Variants in PARD3B observed in about 807,000 individuals in gnomAD.
PARD3B encodes the protein par-3 family cell polarity regulator beta.
PARD3B carries 103 observed loss-of-function variants against 130.2 expected under a neutral mutation model. That is an observed-to-expected ratio of 0.79 (90% CI 0.67 to 0.93). The LOEUF is 0.93. Ranked by LOEUF, PARD3B falls within the 40% of genes least tolerant of loss-of-function variation. PARD3B has a pLI of 0.00. For synonymous variants in PARD3B, 583 were observed against 553.2 expected, an observed-to-expected ratio of 1.05 and a Z score of -0.76; for missense variants, 1,609 against 1,499.2, an observed-to-expected ratio of 1.07 and a Z score of -1.21.
intron 2 of PARD3B, among the ~76,000 whole-genome samples, chr2:204,737,067 C>T (rs1229560511): frequency 1.3e-5 from 2 of 152,232 alleles, no homozygotes; most frequent in Non-Finnish European, 2.9e-5. Flanking sequence ...CTGCTTCAGC[C>T]TCCCTAGTAG....
At chr2:205,480,043 T>C (rs150469441) in intron 20 of PARD3B, among the ~76,000 whole-genome samples, 6,398 of 151,938 alleles carry the variant, frequency 0.042, 186 homozygotes, top group Middle Eastern at 0.061. Flanking sequence ...GCTGGGATTA[T>C]AGGTGCCCTC....
At chr2:205,466,815 C>T (rs1002278439) in intron 20 of PARD3B, among the ~76,000 whole-genome samples, 10 of 152,160 alleles carry the variant, frequency 6.6e-5, no homozygotes, top group East Asian at 1.9e-4. Flanking sequence ...CAGGTTCAAG[C>T]GATTCTTCTG....
chr2:204,772,370 G>T (rs1455564034), intron 2 of PARD3B, among the ~76,000 whole-genome samples: 1 of 152,018 alleles, frequency 6.6e-6, no homozygotes, highest in Non-Finnish European at 1.5e-5. Flanking sequence ...TAGCAGAGAA[G>T]AAAAGTCAGA....
At chr2:205,435,390 T>A (rs568276046) in intron 19 of PARD3B, among the ~76,000 whole-genome samples, 4 of 152,204 alleles carry the variant, frequency 2.6e-5, no homozygotes, top group African/African-American at 9.6e-5. Flanking sequence ...AATAGCACTT[T>A]GTGTGTTTTT....
At chr2:205,607,856 A>G (rs966731474) in intron 22 of PARD3B, among the ~76,000 whole-genome samples, 2 of 151,468 alleles carry the variant, frequency 1.3e-5, no homozygotes, top group Non-Finnish European at 2.9e-5. Flanking sequence ...ACACACACAC[A>G]CACACACACA....
At position 205,615,627 on chromosome 2, in the gene PARD3B, AC is replaced by A; in HGVS notation, c.3437del (p.Pro1146ArgfsTer56). ...ATCTCCGGTATCCTCAGCACTACCC[AC>A]CCCCGCCAGCTCCCCAGCACAAAGG... Reference protein sequence around the residue: ...ADLRYPQHYPPPPAPQHKGPF... With the variant: ...ADLRYPQHYPXPPAPQHKGPF... On this transcript the variant is annotated frameshift_variant, in exon 23 of 23. Transcript: ENST00000406610. LOFTEE classifies it high-confidence loss of function. 2 of 1,610,128 alleles carry A rather than the reference AC, an allele frequency of 1.2e-6. No homozygotes were observed. The highest frequency in any genetic ancestry group is 1.7e-6 in the Non-Finnish European group (2 of 1,177,494).
chr2:204,807,888 T>C (rs1476133555), intron 2 of PARD3B, among the ~76,000 whole-genome samples: 1 of 151,930 alleles, frequency 6.6e-6, no homozygotes, highest in African/African-American at 2.4e-5. Flanking sequence ...TAAGATCTAG[T>C]ATTTGAGATC....
chr2:204,924,237 A>G (rs1687411893), intron 2 of PARD3B, among the ~76,000 whole-genome samples: 2 of 152,048 alleles, frequency 1.3e-5, no homozygotes, highest in East Asian at 3.9e-4. Context: ...CAAGGATAAC[A>G]TAGAACTAAA....
chr2:205,164,380 A>C (rs1327396778), intron 11 of PARD3B, among the ~76,000 whole-genome samples: 3 of 152,206 alleles, frequency 2.0e-5, no homozygotes, highest in Non-Finnish European at 4.4e-5. Context: ...ACTTGAGCTC[A>C]GGAGTTCCAG....
At chr2:205,049,163 C>T (rs1210585381) in intron 4 of PARD3B, among the ~76,000 whole-genome samples, 5 of 152,150 alleles carry the variant, frequency 3.3e-5, no homozygotes, top group African/African-American at 9.6e-5. Flanking sequence ...GAGAAAGTCC[C>T]TGTATTTGCC....
chr2:205,261,470 C>T (rs113762332), intron 16 of PARD3B, among the ~76,000 whole-genome samples: 32 of 152,202 alleles, frequency 2.1e-4, no homozygotes, highest in African/African-American at 7.7e-4. Flanking sequence ...GATTAGAGCA[C>T]ACATGAAGCC....
At chr2:204,709,654 AGTT>A (rs2038342268) in intron 2 of PARD3B, among the ~76,000 whole-genome samples, 1 of 152,128 alleles carries the variant, frequency 6.6e-6, no homozygotes, top group Non-Finnish European at 1.5e-5. Flanking sequence ...TGATGTGTTC[AGTT>A]GGGGAAATAC....
intron 2 of PARD3B, among the ~76,000 whole-genome samples, chr2:204,772,416 C>T (rs927622086): frequency 7.9e-5 from 12 of 152,066 alleles, no homozygotes; most frequent in Admixed American, 2.6e-4. Flanking sequence ...ACAAGTACAA[C>T]TGCAATTGAT....
intron 2 of PARD3B, among the ~76,000 whole-genome samples, chr2:204,753,790 C>T (rs1403117424): frequency 6.6e-6 from 1 of 152,088 alleles, no homozygotes; most frequent in African/African-American, 2.4e-5. Flanking sequence ...TGGTGGGCCA[C>T]AGCTGTAATC....
At chr2:205,447,287 A>G (rs567780490) in intron 20 of PARD3B, among the ~76,000 whole-genome samples, 3 of 140,488 alleles carry the variant, frequency 2.1e-5, no homozygotes, top group Admixed American at 2.0e-4. Context: ...GTAGGGACCT[A>G]TCCTGCTTTT....
In PARD3B at chr2:204,998,312, GTATATATATATA is replaced by G. The variant is rs771546892; in HGVS notation, c.394+33025_394+33036del. ...CTGCACATGTATCCCAGAACTTAAAGTATATATATATATATATATATATATATATATATATAT... is the reference window on the plus strand; with the variant it reads ...CTGCACATGTATCCCAGAACTTAAAGTATATATATATATATATATATATAT... On this transcript the variant is annotated intron_variant, in intron 3 of 22. Transcript: ENST00000406610. Among the ~76,000 whole-genome samples, 95 of 51,994 alleles carry G rather than the reference GTATATATATATA, an allele frequency of 1.8e-3. 2 individuals are homozygous for G. Among genetic ancestry groups the G allele is most frequent in the Middle Eastern group, 0.011 (1 of 90 alleles). The allele number at this position is 51,994 out of a possible 152,430, so 34.1% of individuals were successfully genotyped here. A position where few individuals can be genotyped will look rare whatever the true frequency, so the allele number is the denominator to read the frequency against.
chr2:204,947,161 A>G (rs997307499), intron 2 of PARD3B, among the ~76,000 whole-genome samples: 4 of 152,300 alleles, frequency 2.6e-5, no homozygotes, highest in African/African-American at 7.2e-5. Flanking sequence ...AACGCGTAAC[A>G]TTAACCATGA....
At chr2:204,947,342 A>G (rs1241197239) in intron 2 of PARD3B, among the ~76,000 whole-genome samples, 2 of 152,186 alleles carry the variant, frequency 1.3e-5, no homozygotes, top group Non-Finnish European at 2.9e-5. Flanking sequence ...TTATTCATGG[A>G]GTAAGTGTAG....
chr2:204,700,257 C>G (rs766478883), intron 2 of PARD3B, among the ~76,000 whole-genome samples: 3 of 151,964 alleles, frequency 2.0e-5, no homozygotes, highest in Non-Finnish European at 2.9e-5. Context: ...ACAATGTTTT[C>G]TTTTATTCAG....
Sources: gnomAD v4.1 joint callset for allele counts (sites outside exome capture counted in the v4.1 genomes callset) on GRCh38, gnomAD v4.1.1 for gene constraint, MANE v1.5 for transcripts, NCBI Gene and HGNC (gene_info 2026-07-23, HGNC 2026-07-21) for gene names.